The following RTP2 variants were observed in gnomAD, a reference collection of about 807,000 sequenced individuals.
The protein encoded by RTP2 is receptor-transporting protein 2.
Under a neutral mutation model 17.9 loss-of-function variants are expected in RTP2, and 12 were observed. The ratio of observed to expected loss-of-function variants is 0.67; its 90% CI spans 0.43 to 1.09. The LOEUF is 1.09. Among genes scored for constraint, RTP2 ranks in the 50% least tolerant of loss-of-function variants. The pLI, the probability that RTP2 is intolerant of heterozygous loss-of-function variation, is 0.00. For missense variants in RTP2, 327 were observed against 295.7 expected (o/e 1.11, Z -0.78); for synonymous variants, 126 against 117.7 (o/e 1.07, Z -0.46).
chr3:187,702,397 G>A (rs945056582), exon 1 of RTP2: 5 of 549,686 alleles, frequency 9.1e-6, no homozygotes, highest in African/African-American at 7.4e-5. Context: ...CGCTGGGTAG[G>A]CCTGAGAGGA....
At chr3:187,710,522 G>GGTGTGTGTATATGTGCATATATATATAT in the RTP2 span, among the ~76,000 whole-genome samples, 1 of 148,964 alleles carries the variant, frequency 6.7e-6, no homozygotes, top group African/African-American at 2.5e-5. Flanking sequence ...CATATATTTA[G>GGTGTGTGTATATGTGCATATATATATAT]GTGTGTGTAT....
the RTP2 span, among the ~76,000 whole-genome samples, chr3:187,713,582 C>G: frequency 6.6e-6 from 1 of 152,158 alleles, no homozygotes. Context: ...TTACTTGGTT[C>G]ACACCCTATG....
At chr3:187,706,784 G>A (rs976675178), upstream of RTP2, among the ~76,000 whole-genome samples, 9 of 152,208 alleles carry the variant, frequency 5.9e-5, no homozygotes, top group South Asian at 1.9e-3. Flanking sequence ...TGTATTTTTA[G>A]TAGAGATGGG....
At chr3:187,699,666 C>T (rs996121176) in intron 1 of RTP2, among the ~76,000 whole-genome samples, 1 of 151,682 alleles carries the variant, frequency 6.6e-6, no homozygotes, top group Non-Finnish European at 1.5e-5. Context: ...CAAGTCTTCT[C>T]TAGATCCCAC....
rs1560135767 is a variant in RTP2, at chr3:187,699,015, C to T, written c.165-4G>A. 2 of 1,572,806 alleles carry T rather than the reference C, an allele frequency of 1.3e-6. No individual in the cohort carries two copies. The highest frequency in any genetic ancestry group is 2.3e-5 in the South Asian group (2 of 85,974). ...CCAGCACCAGGAGCAGTGGAACCTG[C>T]CGGGAGGAGAAGGAGGGGTGGAGAA... is the stretch of plus-strand genomic sequence containing the variant. On this transcript the variant is annotated splice_region_variant and splice_polypyrimidine_tract_variant and intron_variant, in intron 1 of 1. Coordinates refer to ENST00000358241, the Ensembl canonical transcript of RTP2.
the RTP2 span, among the ~76,000 whole-genome samples, chr3:187,712,149 G>T: frequency 1.3e-5 from 2 of 152,202 alleles, no homozygotes; most frequent in African/African-American, 4.8e-5. Context: ...ACACACGAGT[G>T]CATGTAAAAC....
chr3:187,707,347 T>C (rs186775626), upstream of RTP2, among the ~76,000 whole-genome samples: 32 of 152,298 alleles, frequency 2.1e-4, no homozygotes, highest in Non-Finnish European at 5.9e-5. Context: ...AGTCGGGAGA[T>C]ACCAATGTGA....
At chr3:187,712,629 A>T in the RTP2 span, among the ~76,000 whole-genome samples, 1 of 152,186 alleles carries the variant, frequency 6.6e-6, no homozygotes, top group Non-Finnish European at 1.5e-5. Context: ...ATCAGGAGGC[A>T]TGAATAAGAA....
chr3:187,707,664 G>T, the RTP2 span, among the ~76,000 whole-genome samples: 53 of 152,324 alleles, frequency 3.5e-4, no homozygotes, highest in African/African-American at 1.3e-3. Context: ...CCCTGGCAAA[G>T]TTGAGATTTT....
In RTP2 at chr3:187,698,925, G is replaced by A. The variant is rs143671992; in HGVS notation, c.251C>T (p.Ala84Val). The change falls in exon 2 of 2, where the codon GCG becomes GTG. Residue 84 changes from alanine to valine, a missense_variant. Transcript: ENST00000358241. ...GAAGACGCGCATGCGCACCGAGCCCGCCCGCTGGGCGCGGTCCAGGAACAT... is the reference window on the plus strand; with the variant it reads ...GAAGACGCGCATGCGCACCGAGCCCACCCGCTGGGCGCGGTCCAGGAACAT... 8 of 1,609,858 alleles carry A rather than the reference G, an allele frequency of 5.0e-6. No homozygotes were observed. The East Asian group carries it at 1.3e-4, about 27-fold the overall frequency.
At chr3:187,709,946 C>A in the RTP2 span, among the ~76,000 whole-genome samples, 1 of 152,062 alleles carries the variant, frequency 6.6e-6, no homozygotes, top group African/African-American at 2.4e-5. Flanking sequence ...ATGTCAACTT[C>A]GCTTGACCAA....
At chr3:187,702,003 A>G (rs139094867) in exon 1 of RTP2, 423 of 1,610,976 alleles carry the variant, frequency 2.6e-4, no homozygotes, top group Non-Finnish European at 3.4e-4. Context: ...GCTTCCAGCC[A>G]GGGGCCAGCT....
the RTP2 span, chr3:187,715,632 G>A: frequency 1.3e-5 from 6 of 456,200 alleles, no homozygotes; most frequent in Admixed American, 2.4e-5. Context: ...AGTTGGATTC[G>A]ATCAGAATTC....
intron 1 of RTP2, among the ~76,000 whole-genome samples, chr3:187,701,342 C>G (rs1717840967): frequency 6.6e-6 from 1 of 152,152 alleles, no homozygotes; most frequent in South Asian, 2.1e-4. Flanking sequence ...TTGCTCAAAG[C>G]TAAATCTTTT....
At chr3:187,710,042 A>G in the RTP2 span, among the ~76,000 whole-genome samples, 1 of 152,174 alleles carries the variant, frequency 6.6e-6, no homozygotes, top group Admixed American at 6.6e-5. Context: ...TGAACTGGTG[A>G]ATTGAGGAAA....
chr3:187,698,781 T>C lies in RTP2; in HGVS notation c.395A>G (p.Glu132Gly), dbSNP rs768061618. 13 of 1,613,790 alleles carry C rather than the reference T, an allele frequency of 8.1e-6. No individual in the cohort carries two copies. The East Asian group carries it at 2.5e-4, about 30-fold the overall frequency. The change falls in exon 2 of 2, where the codon GAG becomes GGG. Residue 132 changes from glutamate to glycine, a missense_variant. By Grantham distance (98) the Glu-to-Gly change is moderately conservative (BLOSUM62 -2). Coordinates refer to ENST00000358241, the Ensembl canonical transcript of RTP2. ...GTGGATGCGGTACTGGCCACCATCC[T>C]CCTCGTAGCACTGCTCGCGCAGGCT...
chr3:187,710,860 G>T, the RTP2 span, among the ~76,000 whole-genome samples: 5 of 152,130 alleles, frequency 3.3e-5, no homozygotes, highest in Non-Finnish European at 7.4e-5. Context: ...GCTCTTTATG[G>T]GGAGTCAGGA....
chr3:187,703,798 G>T (rs1454201950), upstream of RTP2, among the ~76,000 whole-genome samples: 13 of 152,036 alleles, frequency 8.6e-5, no homozygotes, highest in Non-Finnish European at 2.9e-5. Context: ...AGAACAAATG[G>T]CAATAAAGGA....
chr3:187,709,804 ATGT>A, the RTP2 span, among the ~76,000 whole-genome samples: 1 of 152,236 alleles, frequency 6.6e-6, no homozygotes, highest in Non-Finnish European at 1.5e-5. Flanking sequence ...TTGGCAACAT[ATGT>A]AGGATGAATA....
Sources: allele counts gnomAD v4.1 joint callset (sites outside exome capture counted in the v4.1 genomes callset), GRCh38; gene constraint gnomAD v4.1.1; transcripts MANE v1.5; gene names NCBI Gene and HGNC (gene_info 2026-07-23, HGNC 2026-07-21).